Variants in PCCA observed in about 807,000 individuals in gnomAD.
The protein encoded by PCCA is propionyl-CoA carboxylase subunit alpha, also known as propionyl-CoA carboxylase alpha chain, mitochondrial.
A neutral mutation model predicts 101.3 loss-of-function variants in PCCA; 74 were observed. That is an observed-to-expected ratio of 0.73 (90% CI 0.61 to 0.89). PCCA has a LOEUF of 0.89. Ranked by LOEUF, PCCA falls within the 40% of genes least tolerant of loss-of-function variation. The probability of loss-of-function intolerance (pLI) is 0.00; values close to 1 mark genes in which losing one functional copy is unlikely to be tolerated. For missense variants in PCCA, 891 were observed against 907.0 expected (o/e 0.98, Z 0.23); for synonymous variants, 294 against 313.6 (o/e 0.94, Z 0.66).
Position 100,235,546 on chromosome 13 carries a change from A to G in PCCA, c.601-296A>G, listed in dbSNP as rs566957420. ...TTATGATTCAGTATTGATTGTAAAC[A>G]TCTAAATTCTGCCATTAAATTCCGG... On this transcript the variant is annotated intron_variant, in intron 7 of 23. Transcript: ENST00000376285. Among the ~76,000 whole-genome samples, 34 of 152,292 alleles carry G rather than the reference A, an allele frequency of 2.2e-4. 1 individual carries two copies. Among genetic ancestry groups the G allele is most frequent in the Admixed American group, 6.5e-5 (1 of 15,304 alleles).
At chr13:100,261,408 C>T (rs1414691496) in intron 9 of PCCA, among the ~76,000 whole-genome samples, 4 of 151,498 alleles carry the variant, frequency 2.6e-5, no homozygotes, top group Non-Finnish European at 4.4e-5. Flanking sequence ...CACTGTCACC[C>T]AGGCTGTAGT....
chr13:100,277,309 A>G (rs1007431737), intron 12 of PCCA, among the ~76,000 whole-genome samples: 35 of 152,292 alleles, frequency 2.3e-4, no homozygotes, highest in African/African-American at 8.4e-4. Flanking sequence ...ATGCCACCAA[A>G]AGTATAGCTT....
At chr13:100,437,097 A>C (rs954676844) in intron 20 of PCCA, among the ~76,000 whole-genome samples, 1 of 151,904 alleles carries the variant, frequency 6.6e-6, no homozygotes, top group Non-Finnish European at 1.5e-5. Flanking sequence ...TGATAGTATC[A>C]ATAGGTGTAG....
intron 8 of PCCA, among the ~76,000 whole-genome samples, chr13:100,251,052 G>A (rs1799612829): frequency 1.3e-5 from 2 of 152,124 alleles, no homozygotes; most frequent in African/African-American, 2.4e-5. Flanking sequence ...TGGCTTGGAT[G>A]GGGGCAACTG....
At chr13:100,332,814 A>T (rs1240258074) in intron 17 of PCCA, among the ~76,000 whole-genome samples, 2 of 152,166 alleles carry the variant, frequency 1.3e-5, no homozygotes, top group Non-Finnish European at 2.9e-5. Flanking sequence ...TTATGCTTAG[A>T]CCAATTTTTA....
chr13:100,174,265 T>A (rs1252829837), intron 6 of PCCA, among the ~76,000 whole-genome samples: 2 of 152,006 alleles, frequency 1.3e-5, no homozygotes, highest in Non-Finnish European at 2.9e-5. Context: ...TTATTTTGAT[T>A]GAAATTCTTT....
At chr13:100,350,801 T>C (rs1040046632) in intron 18 of PCCA, among the ~76,000 whole-genome samples, 3 of 152,218 alleles carry the variant, frequency 2.0e-5, no homozygotes, top group South Asian at 4.1e-4. Flanking sequence ...TGGCAGCTGT[T>C]GCACCCCACT....
chr13:100,292,772 TCTC>T (rs2065228351), intron 12 of PCCA, among the ~76,000 whole-genome samples: 1 of 152,172 alleles, frequency 6.6e-6, no homozygotes, highest in African/African-American at 2.4e-5. Context: ...TTTAAAGAGA[TCTC>T]CTTTCTGTTA....
intron 2 of PCCA, among the ~76,000 whole-genome samples, chr13:100,103,627 A>G (rs1294054912): frequency 2.0e-5 from 3 of 146,652 alleles, no homozygotes; most frequent in Non-Finnish European, 4.5e-5. Context: ...TTTACTTAAT[A>G]TTTATATTAT....
rs837335 is a variant in PCCA, at chr13:100,527,943, G to C, written c.2118+191G>C. 0.62 allele frequency among the ~76,000 whole-genome samples: 94,838 copies of C among 152,058 alleles called. 31,133 individuals carry two copies. Among genetic ancestry groups the C allele is most frequent in the East Asian group, 0.85 (4,381 of 5,162 alleles). On this transcript the variant is annotated intron_variant, in intron 23 of 23. Transcript: ENST00000376285. ...GCATCCCTGCCTCGTAGAGAGCGTG[G>C]CTTCCAAAAAGTCTGTGCTTTATGT...
intron 18 of PCCA, among the ~76,000 whole-genome samples, chr13:100,363,480 A>G (rs1183729727): frequency 1.3e-5 from 2 of 152,086 alleles, no homozygotes; most frequent in Admixed American, 6.5e-5. Flanking sequence ...TGCATAACAT[A>G]TCTTTTCACC....
rs984801137 is a variant in PCCA, at chr13:100,259,316, T to A, written c.716+1643T>A. 2.9e-4 allele frequency among the ~76,000 whole-genome samples: 43 copies of A among 148,574 alleles called. 1 individual carries two copies. Among genetic ancestry groups the A allele is most frequent in the African/African-American group, 6.1e-4 (25 of 40,676 alleles). ...TGTAGGACATCTGAAAGATTTTTTTTAAAAATGTAATGGTTTTTTTTTTTT... is the reference window on the plus strand; with the variant it reads ...TGTAGGACATCTGAAAGATTTTTTTAAAAAATGTAATGGTTTTTTTTTTTT... On this transcript the variant is annotated intron_variant, in intron 9 of 23. Coordinates refer to ENST00000376285, the MANE Select transcript of PCCA (RefSeq NM_000282.4).
intron 18 of PCCA, among the ~76,000 whole-genome samples, chr13:100,354,431 A>G (rs1020492416): frequency 6.6e-6 from 1 of 151,960 alleles, no homozygotes; most frequent in Admixed American, 6.6e-5. Flanking sequence ...GGAAGGATCA[A>G]TTACCTTATC....
chr13:100,460,968 T>G (rs1466038021), intron 21 of PCCA, among the ~76,000 whole-genome samples: 1 of 152,206 alleles, frequency 6.6e-6, no homozygotes, highest in African/African-American at 2.4e-5. Flanking sequence ...TTAAAGAACT[T>G]TGGGGAACTT....
intron 8 of PCCA, among the ~76,000 whole-genome samples, chr13:100,256,522 CA>C (rs2062087263): frequency 1.3e-5 from 2 of 152,136 alleles, no homozygotes; most frequent in African/African-American, 4.8e-5. Flanking sequence ...ACATCATGAA[CA>C]GAAAAAAATT....
At chr13:100,249,490 A>G (rs1032122804) in intron 8 of PCCA, among the ~76,000 whole-genome samples, 25 of 152,148 alleles carry the variant, frequency 1.6e-4, no homozygotes, top group Non-Finnish European at 2.9e-4. Flanking sequence ...CTTTATAGTA[A>G]GTCTTGAAGT....
chr13:100,095,126 C>CCAGTCTCTGCCT (rs1032293197), intron 1 of PCCA, among the ~76,000 whole-genome samples: 1 of 152,178 alleles, frequency 6.6e-6, no homozygotes, highest in African/African-American at 2.4e-5. Flanking sequence ...CTGCATCACT[C>CCAGTCTCTGCCT]CAGTCTCTGC....
intron 4 of PCCA, chr13:100,150,853 A>G (rs943776330): frequency 5.7e-6 from 9 of 1,577,638 alleles, no homozygotes; most frequent in East Asian, 4.5e-5. Context: ...CAGGCTTGCC[A>G]TAAGTTGCAC....
chr13:100,528,873 A>G (rs1214902486), intron 23 of PCCA, among the ~76,000 whole-genome samples: 1 of 152,234 alleles, frequency 6.6e-6, no homozygotes, highest in Non-Finnish European at 1.5e-5. Context: ...ACATCCATCC[A>G]TGATGAGAAC....
Sources: allele counts gnomAD v4.1 joint callset (sites outside exome capture counted in the v4.1 genomes callset), GRCh38; gene constraint gnomAD v4.1.1; transcripts MANE v1.5; gene names NCBI Gene and HGNC (gene_info 2026-07-23, HGNC 2026-07-21).